MAP3K15: variants seen among roughly 807,000 people sequenced by gnomAD.
MAP3K15 encodes the protein mitogen-activated protein kinase kinase kinase 15, also known as MAPK/ERK kinase kinase 15.
A neutral mutation model predicts 99.5 loss-of-function variants in MAP3K15; 124 were observed. The observed-to-expected ratio is 1.25, with a 90% CI of 1.08 to 1.45. The LOEUF is 1.45. MAP3K15 is among the 40% of genes most tolerant of loss of function. MAP3K15 has a pLI of 0.00. For missense variants in MAP3K15, 1,242 were observed against 1,079.7 expected (o/e 1.15, Z -2.11); for synonymous variants, 494 against 439.6 (o/e 1.12, Z -1.55).
intron 12 of MAP3K15, among the ~76,000 whole-genome samples, chrX:19,409,508 C>T (rs1189988031): frequency 9.0e-6 from 1 of 111,246 alleles, no homozygotes; most frequent in African/African-American, 3.3e-5. Context: ...CTCATGCCCT[C>T]CCTGAAAAAA....
intron 1 of MAP3K15, among the ~76,000 whole-genome samples, chrX:19,492,963 G>A (rs1161227970): frequency 9.0e-6 from 1 of 111,190 alleles, no homozygotes; most frequent in African/African-American, 3.3e-5. Context: ...GCGAAACTCT[G>A]TCTCAAAAGA....
intron 6 of MAP3K15, among the ~76,000 whole-genome samples, chrX:19,449,760 G>C (rs2064024941): frequency 9.1e-6 from 1 of 109,582 alleles, no homozygotes; most frequent in Non-Finnish European, 1.9e-5. Flanking sequence ...AGTCATCTCA[G>C]AGGGCCAGAG....
chrX:19,360,889 A>G (rs1055572934), intron 28 of MAP3K15, 56 bp from the exon 29 acceptor site: 2 of 883,670 alleles, frequency 2.3e-6, no homozygotes, highest in Non-Finnish European at 3.2e-6. Context: ...ACAGAGCTTA[A>G]AACTGCAGTC....
At chrX:19,469,797 A>G (rs2064194766) in intron 3 of MAP3K15, among the ~76,000 whole-genome samples, 1 of 111,209 alleles carries the variant, frequency 9.0e-6, no homozygotes, top group Non-Finnish European at 1.9e-5. Flanking sequence ...GACACATGAA[A>G]AAACGCTCAT....
rs376275316 is a variant in MAP3K15, at chrX:19,372,760, C to T, written c.3001G>A (p.Gly1001Ser). ...CTGTCCTTGCGTAGCAGGAAGAGGC[C>T]CTGGTCCCTGTCCTCCGGGGACGAG... ...LASSPEDRDQ[G>S]LFLLRKDSER... Residue 1001 changes from glycine to serine, a missense_variant, in exon 22 of 29, where the codon GGC becomes AGC. Transcript: ENST00000338883. 3 of 1,211,681 alleles carry T rather than the reference C, an allele frequency of 2.5e-6. No homozygotes were observed. The highest frequency in any genetic ancestry group is 3.4e-6 in the Non-Finnish European group (3 of 895,353).
intron 15 of MAP3K15, among the ~76,000 whole-genome samples, chrX:19,395,769 T>G (rs967482264): frequency 1.1e-4 from 12 of 112,005 alleles, no homozygotes; most frequent in South Asian, 3.7e-4. Context: ...AAATTCCACA[T>G]AGAGACCATG....
At chrX:19,469,154 A>G (rs924249955) in intron 3 of MAP3K15, among the ~76,000 whole-genome samples, 6 of 111,791 alleles carry the variant, frequency 5.4e-5, no homozygotes, top group African/African-American at 1.6e-4. Context: ...AAACTATACT[A>G]CAAGGCTACG....
At chrX:19,386,683 T>A (rs1258719740) in intron 18 of MAP3K15, among the ~76,000 whole-genome samples, 1 of 111,154 alleles carries the variant, frequency 9.0e-6, no homozygotes, top group African/African-American at 3.3e-5. Flanking sequence ...TGGGGACTCC[T>A]GGAGAATTGT....
chrX:19,513,228 T>C (rs1182029786), intron 1 of MAP3K15, among the ~76,000 whole-genome samples: 1 of 110,954 alleles, frequency 9.0e-6, no homozygotes, highest in African/African-American at 3.3e-5. Flanking sequence ...AGTCGACCTG[T>C]TAGAAGGGCC....
chrX:19,398,214 G>A lies in MAP3K15; in HGVS notation c.2066+12C>T, dbSNP rs202191401. ...ACGGCACCCGAAATGCGGAAGGCCC[G>A]CCTGGACTTGCCTGCTATCTCTCTC... On this transcript the variant is annotated intron_variant, in intron 15 of 28. Coordinates refer to ENST00000338883, the MANE Select transcript of MAP3K15 (RefSeq NM_001001671.4). The A allele has an allele frequency of 1.5e-3, 1,754 of 1,208,876 alleles. 2 individuals are homozygous for A. Among genetic ancestry groups the A allele is most frequent in the Middle Eastern group, 4.9e-3 (21 of 4,321 alleles).
At chrX:19,373,009 A>G (rs1602249577) in intron 21 of MAP3K15, 182 bp from the exon 22 acceptor site, 1 of 194,086 alleles carries the variant, frequency 5.2e-6, no homozygotes. Context: ...CCACAGCAGG[A>G]GGGAGAGCAG....
At chrX:19,506,787 G>T (rs750414867) in intron 1 of MAP3K15, among the ~76,000 whole-genome samples, 48 of 112,126 alleles carry the variant, frequency 4.3e-4, no homozygotes, top group Non-Finnish European at 5.6e-4. Context: ...GCCTCCCAAA[G>T]CCCTGGTATT....
At chrX:19,466,632 C>G (rs1203123183) in intron 3 of MAP3K15, 1 of 112,191 alleles carries the variant, frequency 8.9e-6, no homozygotes, top group Non-Finnish European at 1.9e-5. Flanking sequence ...TTGGACAGTT[C>G]TTTATAGCAG....
rs370745238 is a variant in MAP3K15 at position 19,442,610 on chromosome X, GC to G, written c.996-11003del. On this transcript the variant is annotated intron_variant, in intron 6 of 28. Coordinates refer to ENST00000338883, the MANE Select transcript of MAP3K15 (RefSeq NM_001001671.4). The stretch of plus-strand genomic sequence containing the variant: ...GCGATCTCGACTCACTGCAACCTCT[GC>G]CTCCTGGGTTCAAGTGATTCTCCTG... Among the ~76,000 whole-genome samples the G allele has an allele frequency of 8.5e-3, 901 of 105,753 alleles. 20 individuals are homozygous for G. In the South Asian group the frequency reaches 0.14, roughly 17 times the overall value. 91.8% of individuals were successfully genotyped at this position (105,753 alleles called of 115,157 possible).
chrX:19,488,807 GAGA>G lies in MAP3K15; in HGVS notation c.501+18_501+20del. On this transcript the variant is annotated intron_variant, in intron 2 of 28. Transcript: ENST00000338883. Reference sequence around the variant, plus strand: ...TGCTTTCCCAAAACAAAGTACTCAGGAGAAGGTGAATACACTGTACCTTCAAAG... The same window carrying G: ...TGCTTTCCCAAAACAAAGTACTCAGGAGGTGAATACACTGTACCTTCAAAG... 6 of 1,182,166 alleles carry G rather than the reference GAGA, an allele frequency of 5.1e-6. No homozygotes were observed. Among genetic ancestry groups the G allele is most frequent in the Non-Finnish European group, 6.8e-6 (6 of 881,712 alleles).
intron 3 of MAP3K15, among the ~76,000 whole-genome samples, chrX:19,470,457 C>T (rs945777118): frequency 1.8e-5 from 2 of 108,506 alleles, no homozygotes; most frequent in Non-Finnish European, 1.9e-5. Context: ...TGCTAAATGA[C>T]GAGTTAATAG....
Position 19,444,215 on chromosome X carries a change from G to A in MAP3K15, c.996-12607C>T, listed in dbSNP as rs747008051. Among the ~76,000 whole-genome samples the A allele has an allele frequency of 1.9e-3, 212 of 111,997 alleles. 1 individual carries two copies. The highest frequency in any genetic ancestry group is 6.5e-3 in the African/African-American group (200 of 30,822). ...AGTGCATGTCACCTAAGATCACCAC[G>A]AGACCTATTCTAGTGTGCTGCTAAG... On this transcript the variant is annotated intron_variant, in intron 6 of 28. Transcript: ENST00000338883.
chrX:19,368,838 TGA>T (rs2063353734), intron 25 of MAP3K15, among the ~76,000 whole-genome samples: 1 of 103,827 alleles, frequency 9.6e-6, no homozygotes, highest in African/African-American at 3.8e-5. Flanking sequence ...TCTCTGATTC[TGA>T]GTTTTTTTTT....
chrX:19,514,065 C>T (rs1203211009), intron 1 of MAP3K15, among the ~76,000 whole-genome samples: 1 of 110,693 alleles, frequency 9.0e-6, no homozygotes, highest in Non-Finnish European at 1.9e-5. Context: ...GTTTTGGGGA[C>T]GAGAATTGAA....
Sources: allele counts gnomAD v4.1 joint callset (sites outside exome capture counted in the v4.1 genomes callset), GRCh38; gene constraint gnomAD v4.1.1; transcripts MANE v1.5; gene names NCBI Gene and HGNC (gene_info 2026-07-23, HGNC 2026-07-21).